CSMD1: variants seen among roughly 807,000 people sequenced by gnomAD.
CSMD1 encodes CUB and Sushi multiple domains 1, also known as CUB and sushi domain-containing protein 1.
Under a neutral mutation model 417.5 loss-of-function variants are expected in CSMD1, and 213 were observed. The observed-to-expected ratio is 0.51, with a 90% CI of 0.46 to 0.57. The LOEUF (loss-of-function observed/expected upper bound fraction) is 0.57, where lower values mean the gene tolerates loss of function less well. CSMD1 is among the 20% of genes least tolerant of loss of function. The probability of loss-of-function intolerance (pLI) is 0.00; values close to 1 mark genes in which losing one functional copy is unlikely to be tolerated. For missense variants in CSMD1, 6,923 were observed against 4,529.7 expected, an observed-to-expected ratio of 1.53 and a Z score of -15.17; for synonymous variants, 2,862 against 1,736.8, an observed-to-expected ratio of 1.65 and a Z score of -16.11.
chr8:3,210,987 G>A (rs1005818583), intron 30 of CSMD1, among the ~76,000 whole-genome samples: 31 of 151,836 alleles, frequency 2.0e-4, no homozygotes, highest in African/African-American at 6.3e-4. Context: ...ATACACCAGG[G>A]GATGCAAAAA....
intron 23 of CSMD1, among the ~76,000 whole-genome samples, chr8:3,322,960 T>C (rs972623283): frequency 1.3e-5 from 2 of 152,228 alleles, no homozygotes; most frequent in Non-Finnish European, 2.9e-5. Context: ...TGTTTTCCTA[T>C]GGAACTTAAT....
At chr8:4,799,446 A>G (rs192555581) in intron 1 of CSMD1, among the ~76,000 whole-genome samples, 1 of 151,878 alleles carries the variant, frequency 6.6e-6, no homozygotes, top group South Asian at 2.1e-4. Context: ...AAAATACAAA[A>G]ATTAGCCAGG....
chr8:3,731,609 C>T (rs1796266612), intron 6 of CSMD1, among the ~76,000 whole-genome samples: 1 of 152,040 alleles, frequency 6.6e-6, no homozygotes, highest in South Asian at 2.1e-4. Flanking sequence ...CTTTACCAAC[C>T]AAGGCTAAAA....
chr8:4,059,809 C>T (rs1368560638), intron 3 of CSMD1, among the ~76,000 whole-genome samples: 5 of 151,166 alleles, frequency 3.3e-5, no homozygotes, highest in Non-Finnish European at 4.4e-5. Context: ...CAATAGCTTA[C>T]CAACCAAAAA....
intron 26 of CSMD1, among the ~76,000 whole-genome samples, chr8:3,255,751 C>A (rs1346335079): frequency 6.6e-6 from 1 of 152,168 alleles, no homozygotes; most frequent in South Asian, 2.1e-4. Context: ...ACCGGATTTT[C>A]CAGGTGCTGT....
At chr8:4,118,792 T>C (rs186765774) in intron 3 of CSMD1, among the ~76,000 whole-genome samples, 15 of 152,308 alleles carry the variant, frequency 9.8e-5, no homozygotes, top group African/African-American at 2.6e-4. Context: ...CACATGCACA[T>C]GTATGTTTAT....
rs1003933470 is a variant in CSMD1 at position 3,087,211 on chromosome 8, T to C, written c.7360A>G (p.Lys2454Glu). 2.5e-6 allele frequency: 4 copies of C among 1,613,982 alleles called. No individual in the cohort carries two copies. In the Admixed American group the frequency reaches 5.0e-5, roughly 20 times the overall value. ...LNRTAGAVGS[K>E]VHYFCKPGYR... ...CCAGGCTTGCAAAAATAATGCACTTTGCTTCCAACCGCTCCTGCAGTCCTG... is the reference window on the plus strand; with the variant it reads ...CCAGGCTTGCAAAAATAATGCACTTCGCTTCCAACCGCTCCTGCAGTCCTG... Residue 2454 changes from lysine to glutamate, a missense_variant, in exon 49 of 70, where the codon AAA becomes GAA. By Grantham distance (56) the Lys-to-Glu change is moderately conservative. Transcript: ENST00000635120.
intron 2 of CSMD1, among the ~76,000 whole-genome samples, chr8:4,572,353 T>C (rs1798931122): frequency 6.6e-6 from 1 of 152,166 alleles, no homozygotes; most frequent in Non-Finnish European, 1.5e-5. Context: ...CTATGGAGGA[T>C]TTTATTTCTC....
At chr8:4,548,217 T>A (rs1797716928) in intron 2 of CSMD1, among the ~76,000 whole-genome samples, 1 of 152,178 alleles carries the variant, frequency 6.6e-6, no homozygotes, top group African/African-American at 2.4e-5. Context: ...AAATTGGCAT[T>A]TAATAAAAAA....
At chr8:3,897,685 T>C (rs529583864) in intron 5 of CSMD1, among the ~76,000 whole-genome samples, 5 of 152,278 alleles carry the variant, frequency 3.3e-5, no homozygotes, top group African/African-American at 1.2e-4. Flanking sequence ...ATTATCAACT[T>C]CCTTTATCAT....
At chr8:3,996,019 G>C (rs1005983902) in intron 5 of CSMD1, among the ~76,000 whole-genome samples, 1 of 152,160 alleles carries the variant, frequency 6.6e-6, no homozygotes, top group East Asian at 1.9e-4. Flanking sequence ...CTATGACAAG[G>C]ATGATCAATT....
chr8:4,529,719 A>G (rs1362880849), intron 2 of CSMD1, among the ~76,000 whole-genome samples: 2 of 152,152 alleles, frequency 1.3e-5, no homozygotes, highest in East Asian at 3.9e-4. Flanking sequence ...CAATCCTACT[A>G]TGGGGTTCTT....
intron 7 of CSMD1, among the ~76,000 whole-genome samples, chr8:3,707,869 A>T (rs1175316820): frequency 6.6e-6 from 1 of 152,154 alleles, no homozygotes; most frequent in Non-Finnish European, 1.5e-5. Context: ...AGACACCTTC[A>T]TTCCTCCCAC....
At chr8:3,722,562 C>G (rs1802248848) in intron 6 of CSMD1, among the ~76,000 whole-genome samples, 1 of 152,114 alleles carries the variant, frequency 6.6e-6, no homozygotes, top group Non-Finnish European at 1.5e-5. Flanking sequence ...TTGTCAATGT[C>G]TCCAAAATAC....
At chr8:3,970,645 A>T (rs1813017462) in intron 5 of CSMD1, among the ~76,000 whole-genome samples, 1 of 152,228 alleles carries the variant, frequency 6.6e-6, no homozygotes, top group South Asian at 2.1e-4. Context: ...GATTTGCTAG[A>T]AACATGAACA....
chr8:3,174,202 T>C (rs937830327), intron 37 of CSMD1, among the ~76,000 whole-genome samples: 9 of 152,178 alleles, frequency 5.9e-5, no homozygotes, highest in African/African-American at 1.9e-4. Context: ...ATATCAGAAA[T>C]TGAGACAGAG....
At chr8:4,163,131 C>T (rs1438669718) in intron 3 of CSMD1, among the ~76,000 whole-genome samples, 2 of 152,204 alleles carry the variant, frequency 1.3e-5, no homozygotes, top group African/African-American at 2.4e-5. Context: ...ATCATTTCAC[C>T]TACCGAAGTA....
intron 2 of CSMD1, among the ~76,000 whole-genome samples, chr8:4,453,972 C>T (rs7835577): frequency 2.4e-4 from 36 of 150,740 alleles, no homozygotes; most frequent in African/African-American, 8.5e-4. Flanking sequence ...CAGGCGCCCG[C>T]CACCGCGCCC....
intron 5 of CSMD1, among the ~76,000 whole-genome samples, chr8:3,888,607 A>G (rs1199524246): frequency 2.0e-5 from 3 of 152,102 alleles, no homozygotes; most frequent in Admixed American, 2.0e-4. Flanking sequence ...ATAATCTAAC[A>G]AGATCTTTGT....
Sources: allele counts gnomAD v4.1 joint callset (sites outside exome capture counted in the v4.1 genomes callset), GRCh38; gene constraint gnomAD v4.1.1; transcripts MANE v1.5; gene names NCBI Gene and HGNC (gene_info 2026-07-23, HGNC 2026-07-21).